UGT1A6: variants seen among roughly 807,000 people sequenced by gnomAD.
The protein encoded by UGT1A6 is UDP glucuronosyltransferase family 1 member A6.
In UGT1A6, 32 loss-of-function variants were observed where a neutral mutation model predicts 44.4. The ratio of observed to expected loss-of-function variants is 0.72; its 90% confidence interval spans 0.54 to 0.97. UGT1A6 has a LOEUF of 0.97. UGT1A6 is among the 50% of genes least tolerant of loss of function. The probability of loss-of-function intolerance (pLI) is 0.00; values close to 1 mark genes in which losing one functional copy is unlikely to be tolerated. For synonymous variants in UGT1A6, 238 were observed against 248.5 expected (o/e 0.96, Z 0.40); for missense variants, 685 against 661.9 (o/e 1.03, Z -0.38).
chr2:233,700,921 G>C (rs557819327), intron 1 of UGT1A6, among the ~76,000 whole-genome samples: 1 of 151,366 alleles, frequency 6.6e-6, no homozygotes, highest in South Asian at 2.1e-4. Context: ...CTCTTCCTGT[G>C]TCTGTGTGTG....
rs183557056 is a variant in UGT1A6 at position 233,739,734 on chromosome 2, G to A, written c.862-27300G>A. Reference sequence around the variant, plus strand: ...GGAAGGGACTTGACTTGTCTCAGATGAGACCTTGGACTATGGACTTTTGAG... The same window carrying A: ...GGAAGGGACTTGACTTGTCTCAGATAAGACCTTGGACTATGGACTTTTGAG... On this transcript the variant is annotated intron_variant, in intron 1 of 4. Transcript: ENST00000305139. Among the ~76,000 whole-genome samples the A allele has an allele frequency of 9.2e-3, 1,401 of 152,178 alleles. 30 individuals carry two copies. The highest frequency in any genetic ancestry group is 0.032 in the African/African-American group (1,315 of 41,414).
At chr2:233,704,169 G>A (rs1358460644) in intron 1 of UGT1A6, among the ~76,000 whole-genome samples, 1 of 151,694 alleles carries the variant, frequency 6.6e-6, no homozygotes, top group Non-Finnish European at 1.5e-5. Context: ...GGGATTACAG[G>A]TGTGAGCCAC....
rs575244143 is a variant in UGT1A6, at chr2:233,730,709, C to T, written c.862-36325C>T. Among the ~76,000 whole-genome samples, 89 of 152,156 alleles carry T rather than the reference C, an allele frequency of 5.8e-4. 1 individual carries two copies. The highest frequency in any genetic ancestry group is 6.8e-3 in the Middle Eastern group (2 of 294). ...TCAAATGATTCTTCTACTTGGAATG[C>T]TGAAATTATCAAGAAATGGCGGAAG... On this transcript the variant is annotated intron_variant, in intron 1 of 4. Coordinates refer to ENST00000305139, the MANE Select transcript of UGT1A6 (RefSeq NM_001072.4).
chr2:233,757,162 G>C (rs1696424537), intron 1 of UGT1A6, among the ~76,000 whole-genome samples: 1 of 151,472 alleles, frequency 6.6e-6, no homozygotes, highest in African/African-American at 2.4e-5. Context: ...GTCTATCCCA[G>C]AGTTTTGAGA....
Position 233,744,054 on chromosome 2 carries a change from T to C in UGT1A6, c.862-22980T>C, listed in dbSNP as rs150741507. ...TTATGACGCAGCCACATCTCATTGG[T>C]CGAGGCCTATGAGCGCCTCGCATCC... On this transcript the variant is annotated intron_variant, in intron 1 of 4. Transcript: ENST00000305139. The C allele has an allele frequency of 5.9e-3, 3,770 of 635,096 alleles. 152 individuals carry two copies. In the East Asian group the frequency reaches 0.082, roughly 14 times the overall value. 39.3% of individuals were successfully genotyped at this position (635,096 alleles called of 1,614,324 possible).
chr2:233,766,270 C>T (rs1699087800), intron 1 of UGT1A6, among the ~76,000 whole-genome samples: 1 of 67,854 alleles, frequency 1.5e-5, no homozygotes. Flanking sequence ...GGCCCGGGCT[C>T]GGTGGCCCGG....
chr2:233,711,925 CT>C (rs1575497167), intron 1 of UGT1A6, among the ~76,000 whole-genome samples: 1 of 152,210 alleles, frequency 6.6e-6, no homozygotes, highest in East Asian at 1.9e-4. Flanking sequence ...CTCAGGGTCT[CT>C]CCATTAGAAA....
intron 1 of UGT1A6, among the ~76,000 whole-genome samples, chr2:233,709,193 A>G (rs1200077395): frequency 1.3e-5 from 2 of 152,156 alleles, no homozygotes; most frequent in Non-Finnish European, 2.9e-5. Context: ...CTGGGAGTGG[A>G]TCCTCACCAG....
At chr2:233,757,107 C>A (rs999241800) in intron 1 of UGT1A6, among the ~76,000 whole-genome samples, 3 of 150,946 alleles carry the variant, frequency 2.0e-5, no homozygotes, top group African/African-American at 7.3e-5. Flanking sequence ...AGGGGGCAAG[C>A]AGAAGGGCTA....
At chr2:233,758,038 C>G (rs1696781117) in intron 1 of UGT1A6, among the ~76,000 whole-genome samples, 1 of 152,188 alleles carries the variant, frequency 6.6e-6, no homozygotes, top group Admixed American at 6.5e-5. Flanking sequence ...CCCCTCCTTT[C>G]AGGCAAGGAC....
intron 1 of UGT1A6, chr2:233,718,776 G>T (rs2076682469): frequency 6.2e-6 from 10 of 1,612,920 alleles, no homozygotes; most frequent in Non-Finnish European, 8.5e-6. Context: ...AATGTAGCAG[G>T]CACAGCGTGG....
chr2:233,729,991 C>G, intron 1 of UGT1A6: 2 of 1,614,020 alleles, frequency 1.2e-6, no homozygotes, highest in Non-Finnish European at 1.7e-6. Flanking sequence ...GCCACTATCT[C>G]AGGTCTGTAT....
intron 1 of UGT1A6, among the ~76,000 whole-genome samples, chr2:233,763,903 G>C (rs779915264): frequency 2.2e-4 from 34 of 152,300 alleles, no homozygotes; most frequent in Middle Eastern, 3.4e-3. Flanking sequence ...CAGAAGATTA[G>C]TGAGGACCAA....
intron 1 of UGT1A6, among the ~76,000 whole-genome samples, chr2:233,707,634 C>T (rs2075978747): frequency 6.6e-6 from 1 of 151,620 alleles, no homozygotes; most frequent in South Asian, 2.1e-4. Flanking sequence ...GAATATATCC[C>T]ATTGTATGAA....
At chr2:233,695,885 G>T (rs2075312141) in intron 1 of UGT1A6, among the ~76,000 whole-genome samples, 1 of 152,156 alleles carries the variant, frequency 6.6e-6, no homozygotes, top group South Asian at 2.1e-4. Context: ...GAAAACTTCA[G>T]TGAACAAATG....
At chr2:233,720,819 C>T (rs2076894500) in intron 1 of UGT1A6, among the ~76,000 whole-genome samples, 2 of 151,784 alleles carry the variant, frequency 1.3e-5, no homozygotes, top group African/African-American at 4.8e-5. Flanking sequence ...AATTCTCCCA[C>T]CTCAGTCTCC....
intron 1 of UGT1A6, chr2:233,741,895 C>G (rs1371352009): frequency 6.6e-6 from 1 of 151,808 alleles, no homozygotes; most frequent in Non-Finnish European, 1.5e-5. Flanking sequence ...GAAGAAGGGA[C>G]CCTTTGTGAT....
intron 1 of UGT1A6, chr2:233,760,497 C>T (rs1553620689): frequency 2.5e-6 from 4 of 1,614,200 alleles, no homozygotes; most frequent in East Asian, 2.2e-5. Flanking sequence ...ACATCAGAGA[C>T]GGAGCATTTT....
Position 233,713,802 on chromosome 2 carries a change from C to G in UGT1A6, c.861+19937C>G, listed in dbSNP as rs746544410. The G allele has an allele frequency of 1.9e-5, 30 of 1,613,976 alleles. No individual in the cohort carries two copies. In the Middle Eastern group the frequency reaches 1.2e-3, roughly 62 times the overall value. On this transcript the variant is annotated intron_variant, in intron 1 of 4. Transcript: ENST00000305139. ...GATGGATTACCCCAGGCCGATCATG[C>G]CCAACATGGTCTTCATTGGGGGCAT...
Sources: gnomAD v4.1 joint callset for allele counts (sites outside exome capture counted in the v4.1 genomes callset) on GRCh38, gnomAD v4.1.1 for gene constraint, MANE v1.5 for transcripts, NCBI Gene and HGNC (gene_info 2026-07-23, HGNC 2026-07-21) for gene names.